Variants in GABBR2 observed in about 807,000 individuals in gnomAD.
GABBR2 encodes the protein G-protein coupled receptor 51.
Under a neutral mutation model 105.6 loss-of-function variants are expected in GABBR2, and 23 were observed. The observed-to-expected ratio is 0.22, with a 90% CI of 0.16 to 0.31. The LOEUF is 0.31. GABBR2 is among the 10% of genes least tolerant of loss of function. The probability of loss-of-function intolerance (pLI) is 1.00; values close to 1 mark genes in which losing one functional copy is unlikely to be tolerated. For synonymous variants in GABBR2, 478 were observed against 499.7 expected (o/e 0.96, Z 0.58); for missense variants, 734 against 1,245.5 (o/e 0.59, Z 6.18).
At chr9:98,574,914 C>T (rs892690430) in intron 2 of GABBR2, among the ~76,000 whole-genome samples, 33 of 152,182 alleles carry the variant, frequency 2.2e-4, no homozygotes, top group Admixed American at 2.2e-3. Context: ...CTGGACAAAG[C>T]GTCCATCTTC....
chr9:98,639,687 C>T (rs763101411), intron 1 of GABBR2, among the ~76,000 whole-genome samples: 2 of 152,240 alleles, frequency 1.3e-5, no homozygotes, highest in Non-Finnish European at 2.9e-5. Flanking sequence ...AAAGCACCTC[C>T]TACTATCCCC....
chr9:98,350,458 G>T (rs1440372246), intron 13 of GABBR2, among the ~76,000 whole-genome samples: 1 of 152,046 alleles, frequency 6.6e-6, no homozygotes, highest in Non-Finnish European at 1.5e-5. Context: ...TTTGTTTTAA[G>T]AAATATTCAA....
intron 7 of GABBR2, among the ~76,000 whole-genome samples, chr9:98,416,180 C>G (rs1832686949): frequency 6.6e-6 from 1 of 152,162 alleles, no homozygotes; most frequent in African/African-American, 2.4e-5. Context: ...TAACAACTGG[C>G]TCTCAGCTCT....
chr9:98,436,048 C>T (rs771331716), intron 7 of GABBR2, among the ~76,000 whole-genome samples: 32 of 151,344 alleles, frequency 2.1e-4, no homozygotes, highest in Non-Finnish European at 4.3e-4. Context: ...CCCCAGCAGC[C>T]GCCACCCCTA....
intron 13 of GABBR2, among the ~76,000 whole-genome samples, chr9:98,330,997 C>A (rs574350693): frequency 9.9e-5 from 15 of 152,264 alleles, no homozygotes; most frequent in Non-Finnish European, 2.9e-5. Flanking sequence ...TAGAATCATA[C>A]AATATGTGGC....
At chr9:98,593,474 A>C (rs1188273405) in intron 1 of GABBR2, among the ~76,000 whole-genome samples, 1 of 152,156 alleles carries the variant, frequency 6.6e-6, no homozygotes, top group Non-Finnish European at 1.5e-5. Flanking sequence ...CAAGAGGAAG[A>C]GTAGCCTCTA....
intron 7 of GABBR2, among the ~76,000 whole-genome samples, chr9:98,410,070 C>T (rs1832558673): frequency 6.6e-6 from 1 of 151,926 alleles, no homozygotes; most frequent in Non-Finnish European, 1.5e-5. Context: ...TGCAGTTCAG[C>T]CAGGGGAGCC....
chr9:98,598,017 T>A (rs1417368541), intron 1 of GABBR2, among the ~76,000 whole-genome samples: 1 of 152,070 alleles, frequency 6.6e-6, no homozygotes, highest in Non-Finnish European at 1.5e-5. Context: ...GAGATGGGGT[T>A]TCACCATGTT....
intron 13 of GABBR2, among the ~76,000 whole-genome samples, chr9:98,330,948 G>A (rs1831014523): frequency 6.6e-6 from 1 of 152,028 alleles, no homozygotes. Context: ...TCTAGTTTCT[G>A]TCTCTGTGGA....
intron 1 of GABBR2, among the ~76,000 whole-genome samples, chr9:98,677,243 C>G (rs1314047537): frequency 6.6e-6 from 1 of 152,196 alleles, no homozygotes; most frequent in South Asian, 2.1e-4. Context: ...GCCTCCAGAC[C>G]CAGGCTCTTG....
chr9:98,300,846 G>A (rs572379175), intron 16 of GABBR2, among the ~76,000 whole-genome samples: 114 of 152,288 alleles, frequency 7.5e-4, no homozygotes, highest in Admixed American at 1.6e-3. Context: ...AAAATTCTGA[G>A]CAGAAAGGCC....
intron 18 of GABBR2, 76 bp from the exon 19 acceptor site, chr9:98,290,825 GGC>G: frequency 9.5e-7 from 1 of 1,049,110 alleles, no homozygotes; most frequent in African/African-American, 1.7e-5. Context: ...GACTTGCTTT[GGC>G]TAAAAAAGCT....
At chr9:98,488,303 T>TCC (rs1487158565) in intron 4 of GABBR2, among the ~76,000 whole-genome samples, 2 of 152,202 alleles carry the variant, frequency 1.3e-5, no homozygotes, top group Non-Finnish European at 2.9e-5. Flanking sequence ...CCTGTCTCCC[T>TCC]CCTCTCTCTG....
In GABBR2 at chr9:98,290,421, C is replaced by A; in HGVS notation, c.*163G>T. 2.4e-6 allele frequency: 1 copy of A among 415,332 alleles called. No homozygotes were observed. Among genetic ancestry groups the A allele is most frequent in the Non-Finnish European group, 4.2e-6 (1 of 239,872 alleles). 25.7% of individuals were successfully genotyped at this position (415,332 alleles called of 1,614,324 possible). A position where few individuals can be genotyped will look rare whatever the true frequency, so the allele number is the denominator to read the frequency against. ...GCTCGAGGTCAGGTGCCAAGTCTCCCCCTGCCCCGTCCTGTCCACCTGAGT... is the reference window on the plus strand; with the variant it reads ...GCTCGAGGTCAGGTGCCAAGTCTCCACCTGCCCCGTCCTGTCCACCTGAGT... On this transcript the variant is annotated 3_prime_UTR_variant, in exon 19 of 19. Transcript: ENST00000259455.
intron 6 of GABBR2, among the ~76,000 whole-genome samples, chr9:98,464,232 G>A (rs540995770): frequency 4.0e-5 from 6 of 148,298 alleles, no homozygotes; most frequent in South Asian, 4.3e-4. Context: ...TGTGAGGAGC[G>A]CCTCTGCCTG....
intron 7 of GABBR2, among the ~76,000 whole-genome samples, chr9:98,428,495 G>A (rs1267740752): frequency 6.6e-6 from 1 of 152,176 alleles, no homozygotes; most frequent in Non-Finnish European, 1.5e-5. Context: ...GCCTCCTAGA[G>A]CACCAGAGCA....
chr9:98,703,107 GGAAA>G (rs1290708618), intron 1 of GABBR2, among the ~76,000 whole-genome samples: 1 of 152,194 alleles, frequency 6.6e-6, no homozygotes, highest in Non-Finnish European at 1.5e-5. Flanking sequence ...GAAACAGTTG[GGAAA>G]GAAACACTCT....
At chr9:98,608,849 T>C (rs1308535766) in intron 1 of GABBR2, among the ~76,000 whole-genome samples, 1 of 152,250 alleles carries the variant, frequency 6.6e-6, no homozygotes, top group Non-Finnish European at 1.5e-5. Context: ...GAATATAGCA[T>C]CTTTCATATG....
chr9:98,530,833 C>G (rs1828054253), intron 3 of GABBR2, among the ~76,000 whole-genome samples: 1 of 152,106 alleles, frequency 6.6e-6, no homozygotes, highest in African/African-American at 2.4e-5. Flanking sequence ...AACATAACTA[C>G]CTGGCACACA....
Sources: gnomAD v4.1 joint callset for allele counts (sites outside exome capture counted in the v4.1 genomes callset) on GRCh38, gnomAD v4.1.1 for gene constraint, MANE v1.5 for transcripts, NCBI Gene and HGNC (gene_info 2026-07-23, HGNC 2026-07-21) for gene names.